Variants in HMCN2 observed in about 807,000 individuals in gnomAD.
The protein encoded by HMCN2 is hemicentin 2.
Under a neutral mutation model 377.5 loss-of-function variants are expected in HMCN2, and 325 were observed. The ratio of observed to expected loss-of-function variants is 0.86; its 90% CI spans 0.79 to 0.94. The LOEUF is 0.94. Ranked by LOEUF, HMCN2 falls within the 40% of genes least tolerant of loss-of-function variation. The pLI is 0.00. For missense variants in HMCN2, 4,543 were observed against 4,725.3 expected (o/e 0.96, Z 1.13); for synonymous variants, 2,007 against 2,046.8 (o/e 0.98, Z 0.53).
intron 1 of HMCN2, among the ~76,000 whole-genome samples, chr9:130,279,121 G>A (rs1262196694): frequency 6.6e-6 from 1 of 150,898 alleles, no homozygotes; most frequent in Non-Finnish European, 1.5e-5. Flanking sequence ...TGATGGTCTC[G>A]AACTCCTGAC....
chr9:130,332,661 A>G (rs1838489831), intron 22 of HMCN2, among the ~76,000 whole-genome samples: 1 of 152,068 alleles, frequency 6.6e-6, no homozygotes, highest in Non-Finnish European at 1.5e-5. Context: ...CCTCCTCCTG[A>G]ATTTCTCCAG....
chr9:130,386,812 T>C (rs1206131290), intron 61 of HMCN2, among the ~76,000 whole-genome samples: 1 of 152,204 alleles, frequency 6.6e-6, no homozygotes, highest in African/African-American at 2.4e-5. Context: ...ACCCAGCTAA[T>C]TTCTAGAATT....
At chr9:130,424,432 T>C (rs1027389807) in intron 87 of HMCN2, among the ~76,000 whole-genome samples, 2 of 151,906 alleles carry the variant, frequency 1.3e-5, no homozygotes, top group East Asian at 1.9e-4. Context: ...GTGATCTGAC[T>C]GCCTCGGCCT....
At chr9:130,317,136 A>G (rs1837601695) in intron 15 of HMCN2, among the ~76,000 whole-genome samples, 1 of 151,380 alleles carries the variant, frequency 6.6e-6, no homozygotes, top group African/African-American at 2.4e-5. Context: ...GCTGAGGGGG[A>G]AGCAGGGGTG....
Position 130,433,954 on chromosome 9 carries a change from T to A in HMCN2, c.*261T>A. 1 of 393,990 alleles carries A rather than the reference T, an allele frequency of 2.5e-6. No homozygotes were observed. Among genetic ancestry groups the A allele is most frequent in the Non-Finnish European group, 4.5e-6 (1 of 223,728 alleles). 24.4% of individuals were successfully genotyped at this position (393,990 alleles called of 1,614,324 possible). On this transcript the variant is annotated 3_prime_UTR_variant, in exon 98 of 98. Coordinates refer to ENST00000683500, the MANE Select transcript of HMCN2 (RefSeq NM_001291815.2). ...GGCCCGGGGAAGCCCGGATCAGACCTCCAGGTCTGATCCGCCCCTCAGTGG... is the reference window on the plus strand; with the variant it reads ...GGCCCGGGGAAGCCCGGATCAGACCACCAGGTCTGATCCGCCCCTCAGTGG...
chr9:130,351,372 C>T lies in HMCN2; in HGVS notation c.4431-51C>T. 1 of 1,262,322 alleles carries T rather than the reference C, an allele frequency of 7.9e-7. No homozygotes were observed. The highest frequency in any genetic ancestry group is 2.2e-4 in the Middle Eastern group (1 of 4,528). 78.2% of individuals were successfully genotyped at this position (1,262,322 alleles called of 1,614,324 possible). ...ACACACTCCCTGTGTGCAGCGTGTC[C>T]CATCCAGCCCCTCGGCCTTACTGGC... On this transcript the variant is annotated intron_variant, in intron 29 of 97. Coordinates refer to ENST00000683500, the MANE Select transcript of HMCN2 (RefSeq NM_001291815.2). This position sits in a 1 kb window ranked among gnomAD's most constrained non-coding sequence, Gnocchi z 5.4.
chr9:130,355,465 ACTGGAAATGAAG>A (rs1839976188), intron 32 of HMCN2, among the ~76,000 whole-genome samples: 1 of 152,198 alleles, frequency 6.6e-6, no homozygotes, highest in South Asian at 2.1e-4. Context: ...CCCAAGCGGC[ACTGGAAATGAAG>A]CTGGGAACAA....
chr9:130,431,449 C>T lies in HMCN2; in HGVS notation c.14730C>T (p.Ala4910=), dbSNP rs1466931989. Residue 4910 remains alanine (A), a synonymous_variant, in exon 96 of 98, where the codon GCC becomes GCT. Transcript: ENST00000683500. ...GCAGCTACCAGTGCCTGTGCCCCGC[C>T]GGCTACCGTCTGCTCCCCAGCGGGA... ...TEGSYQCLCP[A]GYRLLPSGKN... The T allele has an allele frequency of 1.7e-5, 27 of 1,549,992 alleles. No individual in the cohort carries two copies. The highest frequency in any genetic ancestry group is 2.4e-5 in the East Asian group (1 of 40,924).
intron 4 of HMCN2, among the ~76,000 whole-genome samples, chr9:130,290,594 G>A (rs1436608855): frequency 6.6e-6 from 1 of 152,108 alleles, no homozygotes; most frequent in Non-Finnish European, 1.5e-5. Context: ...CATGTTCGGC[G>A]GGCTTCTGTG....
At position 130,375,952 on chromosome 9, in the gene HMCN2, C is replaced by CT; in HGVS notation, c.7881_7882insT (p.Gly2628TrpfsTer44). The CT allele has an allele frequency of 1.0e-6, 1 of 985,816 alleles. No homozygotes were observed. The highest frequency in any genetic ancestry group is 1.2e-6 in the Non-Finnish European group (1 of 829,956). 61.1% of individuals were successfully genotyped at this position (985,816 alleles called of 1,614,324 possible). ...ACACCTGCGTGGTCACCAATGAGCT[C>CT]GGGGAGGCCGTGAAAAACTACCATG... On this transcript the variant is annotated frameshift_variant, in exon 51 of 98. Transcript: ENST00000683500. LOFTEE classifies it high-confidence loss of function.
At chr9:130,278,627 G>A (rs1275731540) in intron 1 of HMCN2, among the ~76,000 whole-genome samples, 2 of 151,746 alleles carry the variant, frequency 1.3e-5, no homozygotes, top group Non-Finnish European at 2.9e-5. Flanking sequence ...TTGTTGCCCA[G>A]GCTGGAGTAC....
rs782364101 is a variant in HMCN2, at chr9:130,310,079, C to T, written c.2350+18C>T. On this transcript the variant is annotated intron_variant, in intron 15 of 97. Coordinates refer to ENST00000683500, the MANE Select transcript of HMCN2 (RefSeq NM_001291815.2). Reference sequence around the variant, plus strand: ...GGTTGGACGTGAGTGTATACCTTGTCTCCCCCTCCCCTGCCCATTCCCCTT... The same window carrying T: ...GGTTGGACGTGAGTGTATACCTTGTTTCCCCCTCCCCTGCCCATTCCCCTT... 1 of 513,518 alleles carries T rather than the reference C, an allele frequency of 1.9e-6. No individual in the cohort carries two copies. Among genetic ancestry groups the T allele is most frequent in the Non-Finnish European group, 4.0e-6 (1 of 247,406 alleles). The allele number at this position is 513,518 out of a possible 1,614,324, so 31.8% of individuals were successfully genotyped here.
intron 26 of HMCN2, 38 bp from the exon 27 acceptor site, chr9:130,348,507 G>T (rs1265347545): frequency 6.2e-6 from 8 of 1,299,434 alleles, no homozygotes; most frequent in Non-Finnish European, 7.1e-6. Context: ...GCTCTAAGGG[G>T]GCAGGGAAGC....
chr9:130,324,303 G>C (rs934651303), intron 19 of HMCN2, among the ~76,000 whole-genome samples: 15 of 152,276 alleles, frequency 9.9e-5, no homozygotes, highest in African/African-American at 3.4e-4. Context: ...ATTTCACTTA[G>C]CATGTTTTTA....
At chr9:130,341,472 T>C in intron 24 of HMCN2, 107 bp downstream of exon 24, 1 of 152,354 alleles carries the variant, frequency 6.6e-6, no homozygotes, top group Non-Finnish European at 1.5e-5. Flanking sequence ...GCCCGTTCCC[T>C]TCCTTCGTGG....
intron 4 of HMCN2, among the ~76,000 whole-genome samples, chr9:130,289,433 C>T (rs1453846447): frequency 6.6e-6 from 1 of 152,068 alleles, no homozygotes; most frequent in Non-Finnish European, 1.5e-5. Context: ...TCATCCTGGA[C>T]CCCTCCCAGG....
In HMCN2 at chr9:130,388,435, A is replaced by T. The variant is rs905685237; in HGVS notation, c.9418A>T (p.Thr3140Ser). Residue 3140 changes from threonine to serine, a missense_variant, in exon 62 of 98, where the codon ACA (threonine) becomes TCA (serine). This residue lies in a region of HMCN2 where 736 missense variants were observed against 773.2 expected (regional missense o/e 0.95). Transcript: ENST00000683500. The part of the protein sequence containing the change: ...QVPPTFENPK[T>S]ETVSQVAGSP... ...GCCCCCAACATTTGAGAACCCCAAGACAGAGACAGTGAGCCAGGTGGCTGG... is the reference window on the plus strand; with the variant it reads ...GCCCCCAACATTTGAGAACCCCAAGTCAGAGACAGTGAGCCAGGTGGCTGG... The T allele has an allele frequency of 1.0e-6, 1 of 987,884 alleles. No individual in the cohort carries two copies. The highest frequency in any genetic ancestry group is 1.7e-5 in the African/African-American group (1 of 57,286). The allele number at this position is 987,884 out of a possible 1,614,324, so 61.2% of individuals were successfully genotyped here.
intron 1 of HMCN2, among the ~76,000 whole-genome samples, chr9:130,274,992 A>G (rs576619507): frequency 4.6e-5 from 7 of 152,374 alleles, no homozygotes; most frequent in African/African-American, 1.7e-4. Flanking sequence ...GCTTTGTTAA[A>G]GTATAGGAGC....
Position 130,365,720 on chromosome 9 carries a change from C to T in HMCN2, c.6498C>T (p.Asn2166=), listed in dbSNP as rs757672336. The T allele has an allele frequency of 5.0e-4, 491 of 985,716 alleles. No homozygotes were observed. The highest frequency in any genetic ancestry group is 5.6e-4 in the Non-Finnish European group (461 of 829,896). The allele number at this position is 985,716 out of a possible 1,614,324, so 61.1% of individuals were successfully genotyped here. Reference sequence around the variant, plus strand: ...ACTCAGAGAAACACTACAATCTGAACGTCTGGGGTGAGGGTCTCCCAGGCT... The same window carrying T: ...ACTCAGAGAAACACTACAATCTGAATGTCTGGGGTGAGGGTCTCCCAGGCT... ...AGHSEKHYNL[N]VWVAPVFPLR... The change falls in exon 42 of 98, where the codon AAC becomes AAT. Residue 2166 remains asparagine (N), a synonymous_variant. Transcript: ENST00000683500.
Sources: allele counts gnomAD v4.1 joint callset (sites outside exome capture counted in the v4.1 genomes callset), GRCh38; gene constraint gnomAD v4.1.1; regional missense constraint gnomAD v4.1.1; non-coding constraint Gnocchi (gnomAD v3.1); transcripts MANE v1.5; gene names NCBI Gene and HGNC (gene_info 2026-07-23, HGNC 2026-07-21).